The following EXPH5 variants were observed in gnomAD, a reference collection of about 807,000 sequenced individuals.
EXPH5 encodes the protein exophilin-5.
Under a neutral mutation model 41.1 loss-of-function variants are expected in EXPH5, and 42 were observed. That is an observed-to-expected ratio of 1.02 (90% CI 0.80 to 1.32). EXPH5 has a LOEUF of 1.32. Among genes scored for constraint, EXPH5 ranks in the 40% most tolerant of loss-of-function variants. EXPH5 has a pLI of 0.00. For synonymous variants in EXPH5, 798 were observed against 833.5 expected (o/e 0.96, Z 0.73); for missense variants, 2,298 against 2,314.5 (o/e 0.99, Z 0.15).
intron 4 of EXPH5, among the ~76,000 whole-genome samples, chr11:108,527,454 C>A (rs1235362077): frequency 2.6e-5 from 4 of 152,032 alleles, no homozygotes; most frequent in African/African-American, 4.8e-5. Flanking sequence ...AGGCTTCGAT[C>A]CACTGATAAA....
intron 3 of EXPH5, among the ~76,000 whole-genome samples, chr11:108,533,664 T>C (rs1169876779): frequency 1.3e-5 from 2 of 152,218 alleles, no homozygotes; most frequent in East Asian, 1.9e-4. Context: ...GGAAAGTTTC[T>C]CAGTCTCTAC....
At chr11:108,583,283 G>A (rs557564071) in intron 1 of EXPH5, among the ~76,000 whole-genome samples, 1 of 152,014 alleles carries the variant, frequency 6.6e-6, no homozygotes, top group East Asian at 1.9e-4. Context: ...TCGGGAGGCT[G>A]AGGCAGGAGA....
intron 4 of EXPH5, among the ~76,000 whole-genome samples, chr11:108,524,450 A>G (rs559593697): frequency 3.0e-4 from 46 of 152,342 alleles, no homozygotes; most frequent in Admixed American, 6.5e-4. Context: ...GCTGGTAGCC[A>G]AATGAGGTAG....
chr11:108,531,422 A>G (rs144032208), intron 3 of EXPH5, among the ~76,000 whole-genome samples: 3 of 152,356 alleles, frequency 2.0e-5, no homozygotes, highest in Non-Finnish European at 2.9e-5. Context: ...TCTACTAAAA[A>G]TACAAAAAAT....
At chr11:108,564,284 T>C (rs1052000888) in intron 1 of EXPH5, among the ~76,000 whole-genome samples, 1 of 151,958 alleles carries the variant, frequency 6.6e-6, no homozygotes, top group African/African-American at 2.4e-5. Flanking sequence ...CAAGACGGTC[T>C]AAAAAAATAA....
At position 108,512,807 on chromosome 11, in the gene EXPH5, AACC is replaced by A. The variant is rs1288988358; in HGVS notation, c.2697_2699del (p.Val900del). 1 of 1,614,154 alleles carries A rather than the reference AACC, an allele frequency of 6.2e-7. No individual in the cohort carries two copies. The highest frequency in any genetic ancestry group is 8.5e-7 in the Non-Finnish European group (1 of 1,180,022). On this transcript the variant is annotated inframe_deletion, in exon 6 of 6. Transcript: ENST00000265843. ...TCCTGGAGAACACTGTAGTAGATGG[AACC>A]ACAGGAGCATCAAGGGAAGAATTCT... is the stretch of plus-strand genomic sequence containing the variant.
At position 108,523,728 on chromosome 11, in the gene EXPH5, C is replaced by G. The variant is rs146313739; in HGVS notation, c.492+4408G>C. Among the ~76,000 whole-genome samples the G allele has an allele frequency of 3.5e-3, 535 of 152,240 alleles. 1 individual carries two copies. The highest frequency in any genetic ancestry group is 0.012 in the African/African-American group (505 of 41,560). On this transcript the variant is annotated intron_variant, in intron 4 of 5. Transcript: ENST00000265843. ...CTCTACCAAAAATACAAAAACTTAG[C>G]AGGCTTGATGGAACATGTCTGTAGT...
intron 5 of EXPH5, among the ~76,000 whole-genome samples, chr11:108,515,789 T>C (rs1442089572): frequency 6.6e-6 from 1 of 152,148 alleles, no homozygotes; most frequent in East Asian, 1.9e-4. Flanking sequence ...AGCTCACTTT[T>C]GGGCCGGGCA....
chr11:108,576,087 G>A lies in EXPH5; in HGVS notation c.119+17331C>T, dbSNP rs536168881. Among the ~76,000 whole-genome samples, 4 of 152,254 alleles carry A rather than the reference G, an allele frequency of 2.6e-5. No individual in the cohort carries two copies. The South Asian group carries it at 8.3e-4, about 32-fold the overall frequency. ...TCCATTCCTACCTATATACTCTGGA[G>A]AACTGAGAACAGGTACTCAAACAAA... is the stretch of plus-strand genomic sequence containing the variant. On this transcript the variant is annotated intron_variant, in intron 1 of 5. Transcript: ENST00000265843.
At chr11:108,541,001 C>T (rs1261789590) in intron 2 of EXPH5, among the ~76,000 whole-genome samples, 4 of 152,028 alleles carry the variant, frequency 2.6e-5, no homozygotes, top group African/African-American at 9.7e-5. Context: ...GCCTCCCAGG[C>T]TCAAATGATC....
rs1438806208 is a variant in EXPH5 at position 108,511,329 on chromosome 11, G to A, written c.4178C>T (p.Thr1393Ile). The change falls in exon 6 of 6, where the codon ACC becomes ATC. Residue 1393 changes from threonine (T) to isoleucine (I), a missense_variant. Transcript: ENST00000265843. The part of the protein sequence containing the change: ...KERGKKLQSE[T>I]LHTSLMLQRK... ...CTGAAGCATCAATGAAGTATGCAGG[G>A]TTTCACTTTGCAACTTTTTGCCTCT... 1 of 1,583,730 alleles carries A rather than the reference G, an allele frequency of 6.3e-7. No homozygotes were observed. Among genetic ancestry groups the A allele is most frequent in the East Asian group, 2.2e-5 (1 of 44,742 alleles).
chr11:108,606,838 A>G, the EXPH5 span, among the ~76,000 whole-genome samples: 8 of 151,920 alleles, frequency 5.3e-5, no homozygotes, highest in African/African-American at 1.5e-4. Flanking sequence ...CTTAATTACA[A>G]TCTGGTCCAG....
In EXPH5 at chr11:108,513,940, G is replaced by T; in HGVS notation, c.1567C>A (p.His523Asn). ...EANSVSAIHG[H>N]NVSSEHWESF... ...TCCCAGTGTTCAGAAGAAACATTAT[G>T]GCCATGAATGGCTGATACACTATTT... Residue 523 changes from histidine to asparagine, a missense_variant, in exon 6 of 6, where the codon CAT (histidine) becomes AAT (asparagine). His to Asn is a moderately conservative substitution (Grantham distance 68). Transcript: ENST00000265843. 1 of 1,607,362 alleles carries T rather than the reference G, an allele frequency of 6.2e-7. No homozygotes were observed. The highest frequency in any genetic ancestry group is 8.5e-7 in the Non-Finnish European group (1 of 1,177,294).
At chr11:108,564,962 G>C (rs1327368549) in intron 1 of EXPH5, among the ~76,000 whole-genome samples, 3 of 140,948 alleles carry the variant, frequency 2.1e-5, no homozygotes, top group Admixed American at 7.5e-5. Flanking sequence ...CTGGAGTGCA[G>C]TGGTGAGATC....
At chr11:108,587,786 C>T (rs888191468) in intron 1 of EXPH5, among the ~76,000 whole-genome samples, 2 of 152,150 alleles carry the variant, frequency 1.3e-5, no homozygotes, top group African/African-American at 4.8e-5. Context: ...GAGTTTTGCT[C>T]TTGTTACCCA....
At position 108,507,886 on chromosome 11, in the gene EXPH5, G is replaced by C. The variant is rs1162568399; in HGVS notation, c.*1651C>G. Reference sequence around the variant, plus strand: ...ATTAAAGAAAATGTGGGCCAGGCACGGTGGCTCATGCCTGTAATCCCAGCA... The same window carrying C: ...ATTAAAGAAAATGTGGGCCAGGCACCGTGGCTCATGCCTGTAATCCCAGCA... On this transcript the variant is annotated 3_prime_UTR_variant, in exon 6 of 6. Transcript: ENST00000265843. The C allele has an allele frequency of 6.6e-6, 1 of 151,656 alleles. No individual in the cohort carries two copies. Among genetic ancestry groups the C allele is most frequent in the African/African-American group, 2.4e-5 (1 of 41,228 alleles). 9.4% of individuals were successfully genotyped at this position (151,656 alleles called of 1,614,324 possible). A position where few individuals can be genotyped will look rare whatever the true frequency, so the allele number is the denominator to read the frequency against.
Position 108,593,437 on chromosome 11 carries a change from CCCTCTGTAACT to C in EXPH5, c.89_99del (p.Glu30GlyfsTer25), listed in dbSNP as rs747145285. ...CTGTACCTGATCCTGTCCTTCTCGG[CCCTCTGTAACT>C]CCTCATTCCTTTCCAGCACCTGAAG... On this transcript the variant is annotated frameshift_variant, in exon 1 of 6. Transcript: ENST00000265843. LOFTEE classifies it high-confidence loss of function. 22 of 1,613,914 alleles carry C rather than the reference CCCTCTGTAACT, an allele frequency of 1.4e-5. No individual in the cohort carries two copies. In the South Asian group the frequency reaches 2.3e-4, roughly 17 times the overall value.
At chr11:108,579,123 T>A (rs2094089544) in intron 1 of EXPH5, among the ~76,000 whole-genome samples, 1 of 152,178 alleles carries the variant, frequency 6.6e-6, no homozygotes, top group South Asian at 2.1e-4. Context: ...CCACTCAGTA[T>A]GATGCTAGCT....
In EXPH5 at chr11:108,513,624, T is replaced by C. The variant is rs1431568587; in HGVS notation, c.1883A>G (p.Lys628Arg). ...GIAQTLASSF[K>R]TSFSQISDDR... ...ATCAGAAATCTGGGAAAAGGAAGTT[T>C]TGAATGAGGATGCTAGAGTCTGAGC... Residue 628 changes from lysine (K) to arginine (R), a missense_variant, in exon 6 of 6, where the codon AAA (lysine) becomes AGA (arginine). By Grantham distance (26) the Lys-to-Arg change is conservative. Coordinates refer to ENST00000265843, the MANE Select transcript of EXPH5 (RefSeq NM_015065.3). 5.0e-6 allele frequency: 8 copies of C among 1,612,946 alleles called. No homozygotes were observed. Among genetic ancestry groups the C allele is most frequent in the African/African-American group, 1.3e-5 (1 of 74,848 alleles).
Sources: allele counts gnomAD v4.1 joint callset (sites outside exome capture counted in the v4.1 genomes callset), GRCh38; gene constraint gnomAD v4.1.1; transcripts MANE v1.5; gene names NCBI Gene and HGNC (gene_info 2026-07-23, HGNC 2026-07-21).